Variants in IRAK1BP1 observed in about 807,000 individuals in gnomAD.
IRAK1BP1 encodes interleukin-1 receptor-associated kinase 1-binding protein 1.
A neutral mutation model predicts 28.0 loss-of-function variants in IRAK1BP1; 24 were observed. That is an observed-to-expected ratio of 0.86 (90% CI 0.62 to 1.20). The LOEUF (loss-of-function observed/expected upper bound fraction) is 1.20, where lower values mean the gene tolerates loss of function less well. IRAK1BP1 is among the 50% of genes most tolerant of loss of function. IRAK1BP1 has a pLI of 0.00. For synonymous variants in IRAK1BP1, 131 were observed against 116.3 expected, an observed-to-expected ratio of 1.13 and a Z score of -0.81; for missense variants, 336 against 316.7, an observed-to-expected ratio of 1.06 and a Z score of -0.46.
At chr6:78,907,975 C>T (rs550801120), downstream of IRAK1BP1, among the ~76,000 whole-genome samples, 1 of 152,072 alleles carries the variant, frequency 6.6e-6, no homozygotes, top group Admixed American at 6.6e-5. Flanking sequence ...GCCTCAGCCT[C>T]CCAAAGTGCT....
downstream of IRAK1BP1, among the ~76,000 whole-genome samples, chr6:78,950,991 A>G (rs1774108211): frequency 6.6e-6 from 1 of 152,082 alleles, no homozygotes; most frequent in Non-Finnish European, 1.5e-5. Context: ...TAGTATTAGA[A>G]ATTTCCCTGC....
chr6:78,946,183 C>A lies in IRAK1BP1; in HGVS notation c.*843C>A, dbSNP rs754345536. 40 of 1,613,604 alleles carry A rather than the reference C, an allele frequency of 2.5e-5. No individual in the cohort carries two copies. In the South Asian group the frequency reaches 4.1e-4, roughly 16 times the overall value. ...AGCATTGTGTCTTGGCGGTATTGAT[C>A]GTGTAGGTGTAGAGAATGCAGAGGT... On this transcript the variant is annotated 3_prime_UTR_variant and NMD_transcript_variant, in exon 5 of 5. Coordinates refer to the IRAK1BP1 transcript ENST00000606868.
chr6:78,972,837 T>C, the IRAK1BP1 span, among the ~76,000 whole-genome samples: 12 of 151,836 alleles, frequency 7.9e-5, no homozygotes, highest in East Asian at 2.3e-3. Flanking sequence ...AAAAAAACAA[T>C]AAAAAGAAAT....
At position 78,902,807 on chromosome 6, in the gene IRAK1BP1, C is replaced by A. The variant is rs1474677832; in HGVS notation, c.*4473C>A. 3.8e-5 allele frequency: 8 copies of A among 208,332 alleles called. No individual in the cohort carries two copies. Among genetic ancestry groups the A allele is most frequent in the Non-Finnish European group, 6.1e-5 (7 of 114,874 alleles). The allele number at this position is 208,332 out of a possible 1,614,324, so 12.9% of individuals were successfully genotyped here. A position where few individuals can be genotyped will look rare whatever the true frequency, so the allele number is the denominator to read the frequency against. ...ACATACATACATACATACATACATA[C>A]ATACATACATACATAAAATGCCCAG... On this transcript the variant is annotated 3_prime_UTR_variant, in exon 4 of 4. Transcript: ENST00000369940.
intron 4 of IRAK1BP1, chr6:78,935,393 C>A: frequency 4.2e-6 from 2 of 479,628 alleles, no homozygotes; most frequent in South Asian, 9.0e-5. Flanking sequence ...AATAAAAATG[C>A]ATGCCAATCT....
chr6:78,868,374 A>G lies in IRAK1BP1; in HGVS notation c.315+483A>G, dbSNP rs151251320. Among the ~76,000 whole-genome samples, 98 of 152,356 alleles carry G rather than the reference A, an allele frequency of 6.4e-4. 1 individual carries two copies. The South Asian group carries it at 8.1e-3, about 13-fold the overall frequency. ...GAATGGTTCTTGAGTATGTTCCGCAAACAGTAACGTTGGGAAGTGGGGAAG... is the reference window on the plus strand; with the variant it reads ...GAATGGTTCTTGAGTATGTTCCGCAGACAGTAACGTTGGGAAGTGGGGAAG... On this transcript the variant is annotated intron_variant, in intron 1 of 3. Transcript: ENST00000369940.
chr6:78,870,290 T>C (rs1770752279), intron 1 of IRAK1BP1, among the ~76,000 whole-genome samples: 2 of 151,994 alleles, frequency 1.3e-5, no homozygotes, highest in South Asian at 4.1e-4. Flanking sequence ...ATTCACCTTC[T>C]TGGCATTCCT....
the IRAK1BP1 span, chr6:78,957,737 C>A: frequency 6.6e-6 from 1 of 151,832 alleles, no homozygotes; most frequent in African/African-American, 2.4e-5. Context: ...AGTCTTTGTA[C>A]AAAATATAGA....
the IRAK1BP1 span, chr6:78,969,755 C>A: frequency 3.2e-6 from 2 of 629,350 alleles, no homozygotes; most frequent in East Asian, 2.9e-5. Context: ...ATCTTTTTCT[C>A]AATTATGAAA....
At chr6:78,893,828 A>C (rs984989802) in intron 2 of IRAK1BP1, among the ~76,000 whole-genome samples, 8 of 152,068 alleles carry the variant, frequency 5.3e-5, no homozygotes, top group African/African-American at 1.9e-4. Context: ...GCTTGAACTC[A>C]GGAGGCGGAG....
chr6:78,956,497 A>T, the IRAK1BP1 span: 3 of 152,160 alleles, frequency 2.0e-5, no homozygotes, highest in Non-Finnish European at 2.9e-5. Flanking sequence ...CATAGTGTAA[A>T]ACATGTTATT....
At chr6:78,940,120 T>C (rs191453101) in intron 4 of IRAK1BP1, 2 of 152,488 alleles carry the variant, frequency 1.3e-5, no homozygotes, top group South Asian at 2.1e-4. Context: ...TCTAGATACT[T>C]TGTAGATGAA....
At chr6:78,872,213 A>G in intron 1 of IRAK1BP1, 1 of 660,688 alleles carries the variant, frequency 1.5e-6, no homozygotes, top group Admixed American at 2.3e-5. Context: ...TTTGCTTGAC[A>G]ACATATCCTT....
downstream of IRAK1BP1, among the ~76,000 whole-genome samples, chr6:78,948,279 G>A (rs1410530082): frequency 6.6e-6 from 1 of 152,056 alleles, no homozygotes; most frequent in Non-Finnish European, 1.5e-5. Flanking sequence ...TTGCTTTGCA[G>A]TAATAAAGAA....
intron 1 of IRAK1BP1, among the ~76,000 whole-genome samples, chr6:78,873,598 C>T (rs1418681076): frequency 6.6e-6 from 1 of 152,008 alleles, no homozygotes; most frequent in African/African-American, 2.4e-5. Flanking sequence ...CCCACCTCAG[C>T]CTCCCAAATA....
At chr6:78,957,073 G>A in the IRAK1BP1 span, 3 of 151,966 alleles carry the variant, frequency 2.0e-5, no homozygotes, top group African/African-American at 7.2e-5. Flanking sequence ...CTAAAAAAAT[G>A]CCATGGATTT....
intron 4 of IRAK1BP1, among the ~76,000 whole-genome samples, chr6:78,911,480 A>T (rs1380086522): frequency 6.6e-6 from 1 of 152,066 alleles, no homozygotes; most frequent in Admixed American, 6.6e-5. Flanking sequence ...GTTTTTCTGG[A>T]TTTTATTTTA....
At chr6:78,880,208 T>C (rs1006765022) in intron 1 of IRAK1BP1, among the ~76,000 whole-genome samples, 5 of 152,216 alleles carry the variant, frequency 3.3e-5, no homozygotes, top group African/African-American at 7.2e-5. Flanking sequence ...ATCTGAAATG[T>C]TGGGACCAGA....
downstream of IRAK1BP1, among the ~76,000 whole-genome samples, chr6:78,950,011 T>C (rs1774056556): frequency 6.6e-6 from 1 of 152,010 alleles, no homozygotes; most frequent in African/African-American, 2.4e-5. Context: ...ATAATAAACT[T>C]TTTCCTTCCA....
Sources: gnomAD v4.1 joint callset for allele counts (sites outside exome capture counted in the v4.1 genomes callset) on GRCh38, gnomAD v4.1.1 for gene constraint, MANE v1.5 for transcripts, NCBI Gene and HGNC (gene_info 2026-07-23, HGNC 2026-07-21) for gene names.